CDKL4: variants seen among roughly 807,000 people sequenced by gnomAD.
The protein encoded by CDKL4 is cyclin dependent kinase like 4, also known as cyclin-dependent kinase-like 4.
Under a neutral mutation model 42.0 loss-of-function variants are expected in CDKL4, and 44 were observed. The observed-to-expected ratio is 1.05, with a 90% CI of 0.82 to 1.35. The LOEUF is 1.35. Among genes scored for constraint, CDKL4 ranks in the 40% most tolerant of loss-of-function variants. The pLI, the probability that CDKL4 is intolerant of heterozygous loss-of-function variation, is 0.00. For missense variants in CDKL4, 393 were observed against 369.9 expected (o/e 1.06, Z -0.51); for synonymous variants, 120 against 121.6 (o/e 0.99, Z 0.09).
chr2:39,168,326 G>A, the CDKL4 span, among the ~76,000 whole-genome samples: 1 of 152,200 alleles, frequency 6.6e-6, no homozygotes, highest in African/African-American at 2.4e-5. Flanking sequence ...TATGGTCAAT[G>A]AGTAGTGTTC....
intron 1 of CDKL4, among the ~76,000 whole-genome samples, chr2:39,242,038 T>C (rs1209984072): frequency 1.3e-5 from 2 of 151,626 alleles, no homozygotes; most frequent in African/African-American, 2.4e-5. Context: ...TTTCTTTTTC[T>C]TTTTCCTTTT....
chr2:39,236,988 G>C (rs2148406278), intron 1 of CDKL4, among the ~76,000 whole-genome samples: 1 of 152,266 alleles, frequency 6.6e-6, no homozygotes, highest in Admixed American at 6.5e-5. Context: ...TCAATCCTTT[G>C]CAAACTATTT....
chr2:39,184,253 G>A (rs544670523), intron 8 of CDKL4, among the ~76,000 whole-genome samples: 29 of 152,242 alleles, frequency 1.9e-4, no homozygotes, highest in Middle Eastern at 3.4e-3. Context: ...CTAGTGTGGC[G>A]CCATGAATGG....
intron 8 of CDKL4, among the ~76,000 whole-genome samples, chr2:39,181,993 T>A (rs1169582397): frequency 6.6e-6 from 1 of 151,926 alleles, no homozygotes; most frequent in African/African-American, 2.4e-5. Flanking sequence ...TTTATTTTAT[T>A]TTTTTTTAGA....
At chr2:39,179,194 C>A in exon 9 of CDKL4, 1 of 1,601,772 alleles carries the variant, frequency 6.2e-7, no homozygotes. Context: ...TACCTGTTGG[C>A]GTCTTCTGTT....
exon 7 of CDKL4, chr2:39,187,649 C>T (rs779173224): frequency 6.2e-7 from 1 of 1,612,854 alleles, no homozygotes; most frequent in Admixed American, 1.7e-5. Flanking sequence ...CTCAGGTATA[C>T]TGATGCCATG....
chr2:39,195,597 C>A (rs1354340995), intron 5 of CDKL4, among the ~76,000 whole-genome samples: 1 of 150,592 alleles, frequency 6.6e-6, no homozygotes. Context: ...ATTGGCCATT[C>A]GTATAGCTTC....
downstream of CDKL4, among the ~76,000 whole-genome samples, chr2:39,173,880 G>C (rs141193154): frequency 7.4e-4 from 112 of 151,450 alleles, no homozygotes; most frequent in East Asian, 0.019. Flanking sequence ...TTACTTGAGA[G>C]ACTGAGGCAG....
intron 9 of CDKL4, chr2:39,178,709 G>A (rs746318150): frequency 1.9e-6 from 3 of 1,609,232 alleles, no homozygotes; most frequent in Non-Finnish European, 2.5e-6. Flanking sequence ...TTTGTACCTG[G>A]CAGATCTTGG....
intron 1 of CDKL4, among the ~76,000 whole-genome samples, chr2:39,230,552 A>C (rs1439281015): frequency 6.6e-6 from 1 of 152,208 alleles, no homozygotes; most frequent in African/African-American, 2.4e-5. Context: ...TTCTTGAATG[A>C]ATGTTTTGGT....
intron 1 of CDKL4, among the ~76,000 whole-genome samples, chr2:39,240,135 C>T (rs1054585369): frequency 7.3e-5 from 11 of 151,346 alleles, no homozygotes; most frequent in Non-Finnish European, 5.9e-5. Flanking sequence ...AACCGCCAGG[C>T]GTGGTGGCTC....
Position 39,204,512 on chromosome 2 carries a change from A to C in CDKL4, c.454+15T>G, listed in dbSNP as rs765038781. On this transcript the variant is annotated intron_variant, in intron 5 of 9. Transcript: ENST00000451199. Reference sequence around the variant, plus strand: ...TCATCTGAACTGGGTATTAGTAAAAAAAATTGCTACTTACTCAGAATTTGT... The same window carrying C: ...TCATCTGAACTGGGTATTAGTAAAACAAATTGCTACTTACTCAGAATTTGT... 6.6e-7 allele frequency: 1 copy of C among 1,522,294 alleles called. No homozygotes were observed. Among genetic ancestry groups the C allele is most frequent in the Non-Finnish European group, 9.1e-7 (1 of 1,099,998 alleles). 94.3% of individuals were successfully genotyped at this position (1,522,294 alleles called of 1,614,324 possible).
chr2:39,215,065 T>C (rs560226210), intron 3 of CDKL4, among the ~76,000 whole-genome samples: 1 of 152,336 alleles, frequency 6.6e-6, no homozygotes, highest in Non-Finnish European at 1.5e-5. Context: ...ACTGCCAAAC[T>C]ACCCTTTCTG....
chr2:39,182,627 G>C (rs1675502287), intron 8 of CDKL4, among the ~76,000 whole-genome samples: 1 of 152,198 alleles, frequency 6.6e-6, no homozygotes, highest in African/African-American at 2.4e-5. Flanking sequence ...AAATGGTAAA[G>C]TCCAAGTCAG....
At chr2:39,202,323 A>G (rs1399788004) in intron 5 of CDKL4, among the ~76,000 whole-genome samples, 1 of 152,208 alleles carries the variant, frequency 6.6e-6, no homozygotes, top group Non-Finnish European at 1.5e-5. Context: ...CTGTTCCCCA[A>G]AAACCTATTG....
intron 4 of CDKL4, among the ~76,000 whole-genome samples, chr2:39,208,952 G>A (rs556123507): frequency 6.6e-6 from 1 of 151,840 alleles, no homozygotes; most frequent in African/African-American, 2.4e-5. Context: ...ACCAAAACAT[G>A]AGTATCAACA....
At chr2:39,246,827 T>C (rs1679934577), upstream of CDKL4, among the ~76,000 whole-genome samples, 1 of 152,176 alleles carries the variant, frequency 6.6e-6, no homozygotes, top group South Asian at 2.1e-4. Flanking sequence ...CATTGCAGCC[T>C]CAAACTCTTG....
At chr2:39,211,745 T>C (rs1043931409) in intron 4 of CDKL4, among the ~76,000 whole-genome samples, 1 of 151,274 alleles carries the variant, frequency 6.6e-6, no homozygotes, top group Admixed American at 6.6e-5. Context: ...GCTAAAACCA[T>C]CAGGGAAACA....
chr2:39,245,198 C>A (rs1679860070), upstream of CDKL4, among the ~76,000 whole-genome samples: 2 of 152,186 alleles, frequency 1.3e-5, no homozygotes, highest in South Asian at 4.1e-4. Context: ...TGGGTCCACG[C>A]CGCTTTTATG....
Sources: gnomAD v4.1 joint callset for allele counts (sites outside exome capture counted in the v4.1 genomes callset) on GRCh38, gnomAD v4.1.1 for gene constraint, MANE v1.5 for transcripts, NCBI Gene and HGNC (gene_info 2026-07-23, HGNC 2026-07-21) for gene names.